Variants in WDR27 observed in about 807,000 individuals in gnomAD.
WDR27 encodes the protein WD repeat-containing protein 27.
WDR27 carries 100 observed loss-of-function variants against 114.4 expected under a neutral mutation model. The ratio of observed to expected loss-of-function variants is 0.87; its 90% CI spans 0.74 to 1.03. The LOEUF (loss-of-function observed/expected upper bound fraction) is 1.03. Ranked by LOEUF, WDR27 falls within the 50% of genes least tolerant of loss-of-function variation. The probability of loss-of-function intolerance (pLI) is 0.00; values close to 1 mark genes in which losing one functional copy is unlikely to be tolerated. For synonymous variants in WDR27, 449 were observed against 423.1 expected (o/e 1.06, Z -0.75); for missense variants, 1,129 against 1,092.9 (o/e 1.03, Z -0.47).
intron 13 of WDR27, 168 bp downstream of exon 13, chr6:169,658,108 G>A (rs971572027): frequency 6.8e-6 from 4 of 589,184 alleles, no homozygotes; most frequent in Non-Finnish European, 1.2e-5. Context: ...CCCCACCACA[G>A]CGGACATGGA....
chr6:169,600,872 C>G (rs555213401), intron 23 of WDR27, among the ~76,000 whole-genome samples: 1 of 152,190 alleles, frequency 6.6e-6, no homozygotes, highest in African/African-American at 2.4e-5. Context: ...AGAATGGAAC[C>G]AAGTTGGAAA....
the WDR27 span, among the ~76,000 whole-genome samples, chr6:169,446,842 T>G: frequency 1.3e-5 from 2 of 152,218 alleles, no homozygotes; most frequent in Non-Finnish European, 2.9e-5. Flanking sequence ...CATTCTTGTA[T>G]TGAGAGACAA....
chr6:169,594,369 C>A (rs1288545644), intron 23 of WDR27, among the ~76,000 whole-genome samples: 1 of 152,096 alleles, frequency 6.6e-6, no homozygotes, highest in Non-Finnish European at 1.5e-5. Context: ...GTTTGATGTG[C>A]ACTTGAAAAT....
chr6:169,582,879 G>A lies in WDR27; in HGVS notation c.2480C>T (p.Thr827Ile), dbSNP rs1803740243. 6.2e-7 allele frequency: 1 copy of A among 1,613,844 alleles called. No individual in the cohort carries two copies. The highest frequency in any genetic ancestry group is 8.5e-7 in the Non-Finnish European group (1 of 1,179,896). ...GAAGGCCACTCCAGTGACAGTGTCTGTGTGCCCAGCCAGCCGGTGAGAAAA... is the reference window on the plus strand; with the variant it reads ...GAAGGCCACTCCAGTGACAGTGTCTATGTGCCCAGCCAGCCGGTGAGAAAA... ...STFSHRLAGH[T>I]DTVTGVAFNP... is the part of the protein sequence containing the mutation. The change falls in exon 24 of 26, where the codon ACA (threonine) becomes ATA (isoleucine). Residue 827 changes from threonine (T) to isoleucine (I), a missense_variant. Physicochemically the swap from Thr to Ile is moderately conservative, Grantham distance 89 (BLOSUM62 -1). Coordinates refer to ENST00000448612, the MANE Select transcript of WDR27 (RefSeq NM_182552.5).
chr6:169,613,513 T>C lies in WDR27; in HGVS notation c.2321+46A>G, dbSNP rs763220404. ...AAAGAGATCAGATTGAGCTTATATCTCTTGAGCTCCCCACCCCTGCAGTGC... is the reference window on the plus strand; with the variant it reads ...AAAGAGATCAGATTGAGCTTATATCCCTTGAGCTCCCCACCCCTGCAGTGC... On this transcript the variant is annotated intron_variant, in intron 22 of 25. Transcript: ENST00000448612. The C allele has an allele frequency of 2.0e-6, 3 of 1,485,568 alleles. No individual in the cohort carries two copies. The East Asian group carries it at 6.8e-5, about 34-fold the overall frequency. 92.0% of individuals were successfully genotyped at this position (1,485,568 alleles called of 1,614,324 possible). A position where few individuals can be genotyped will look rare whatever the true frequency, so the allele number is the denominator to read the frequency against.
the WDR27 span, among the ~76,000 whole-genome samples, chr6:169,438,517 G>T: frequency 6.6e-6 from 1 of 152,148 alleles, no homozygotes; most frequent in Non-Finnish European, 1.5e-5. Flanking sequence ...GATTACAGGC[G>T]TGAGCCACCG....
intron 25 of WDR27, among the ~76,000 whole-genome samples, chr6:169,485,713 G>A (rs772041478): frequency 3.3e-5 from 5 of 152,142 alleles, no homozygotes; most frequent in South Asian, 2.1e-4. Context: ...GTACGTGTAC[G>A]TTCACTGCAG....
At chr6:169,693,890 T>C (rs893625151) in intron 1 of WDR27, among the ~76,000 whole-genome samples, 1 of 152,074 alleles carries the variant, frequency 6.6e-6, no homozygotes, top group African/African-American at 2.4e-5. Context: ...ACAATAATAC[T>C]GGGGAATTTC....
At position 169,535,645 on chromosome 6, in the gene WDR27, C is replaced by T. The variant is rs79007672; in HGVS notation, c.2645+36774G>A. 7.1e-3 allele frequency among the ~76,000 whole-genome samples: 1,083 copies of T among 152,278 alleles called. 10 individuals carry two copies. The highest frequency in any genetic ancestry group is 0.012 in the South Asian group (58 of 4,828). ...CAGATGTACTTAATGCAGCTTAAAACGACCATGTCGTTTAACTTAACCATG... is the reference window on the plus strand; with the variant it reads ...CAGATGTACTTAATGCAGCTTAAAATGACCATGTCGTTTAACTTAACCATG... On this transcript the variant is annotated intron_variant, in intron 25 of 25. Coordinates refer to ENST00000448612, the MANE Select transcript of WDR27 (RefSeq NM_182552.5).
chr6:169,643,475 A>C (rs1166044388), intron 17 of WDR27, among the ~76,000 whole-genome samples: 1 of 152,250 alleles, frequency 6.6e-6, no homozygotes, highest in Non-Finnish European at 1.5e-5. Flanking sequence ...CTTGGCCTCC[A>C]GGGCAACAGC....
At chr6:169,445,907 G>A in the WDR27 span, among the ~76,000 whole-genome samples, 3 of 152,224 alleles carry the variant, frequency 2.0e-5, no homozygotes, top group African/African-American at 4.8e-5. Context: ...GGGTGGGGTG[G>A]GGGGAGGCAG....
intron 25 of WDR27, among the ~76,000 whole-genome samples, chr6:169,488,004 C>G (rs1313509917): frequency 6.6e-6 from 1 of 152,240 alleles, no homozygotes; most frequent in African/African-American, 2.4e-5. Context: ...CTGACTCCCC[C>G]AGCTGGGGGT....
chr6:169,578,946 G>C (rs1009587935), intron 24 of WDR27, among the ~76,000 whole-genome samples: 7 of 152,122 alleles, frequency 4.6e-5, no homozygotes, highest in African/African-American at 1.4e-4. Context: ...TCACACTCCA[G>C]GTTCCTTATG....
At chr6:169,586,543 G>A (rs1210987040) in intron 23 of WDR27, among the ~76,000 whole-genome samples, 2 of 152,100 alleles carry the variant, frequency 1.3e-5, no homozygotes, top group Non-Finnish European at 2.9e-5. Context: ...CAGGGGCATT[G>A]TCCAATATCA....
At chr6:169,673,414 T>TAC (rs528748881) in intron 2 of WDR27, among the ~76,000 whole-genome samples, 213 of 151,304 alleles carry the variant, frequency 1.4e-3, no homozygotes, top group Non-Finnish European at 2.2e-3. Flanking sequence ...AATATATATA[T>TAC]ACACACACAC....
chr6:169,563,849 C>T (rs1800028014), intron 25 of WDR27, among the ~76,000 whole-genome samples: 1 of 152,200 alleles, frequency 6.6e-6, no homozygotes, highest in South Asian at 2.1e-4. Flanking sequence ...TCTCGAGCAG[C>T]TCAGAGGCGC....
chr6:169,649,380 G>A (rs185601810), intron 14 of WDR27, 105 bp from the exon 15 acceptor site: 109 of 990,692 alleles, frequency 1.1e-4, no homozygotes, highest in South Asian at 6.7e-4. Flanking sequence ...AGATATAGAC[G>A]TCTGCATAAA....
At chr6:169,613,081 T>C (rs188151128) in intron 22 of WDR27, among the ~76,000 whole-genome samples, 9 of 152,356 alleles carry the variant, frequency 5.9e-5, no homozygotes, top group Admixed American at 3.9e-4. Context: ...ATCTAAAATA[T>C]ACTTGATGTG....
intron 22 of WDR27, among the ~76,000 whole-genome samples, chr6:169,613,210 G>A (rs376498880): frequency 2.6e-5 from 4 of 152,164 alleles, no homozygotes; most frequent in African/African-American, 9.7e-5. Context: ...GGGGGTGCTC[G>A]GTGCCTAGTG....
Sources: gnomAD v4.1 joint callset for allele counts (sites outside exome capture counted in the v4.1 genomes callset) on GRCh38, gnomAD v4.1.1 for gene constraint, MANE v1.5 for transcripts, NCBI Gene and HGNC (gene_info 2026-07-23, HGNC 2026-07-21) for gene names.